RNF215: variants seen among roughly 807,000 people sequenced by gnomAD.
RNF215 encodes ring finger protein 215.
In RNF215, 41 loss-of-function variants were observed where a neutral mutation model predicts 44.8. That is an observed-to-expected ratio of 0.92 (90% confidence interval 0.71 to 1.19). RNF215 has a LOEUF of 1.19. RNF215 is among the 50% of genes most tolerant of loss of function. RNF215 has a pLI of 0.00. For synonymous variants in RNF215, 218 were observed against 230.1 expected, an observed-to-expected ratio of 0.95 and a Z score of 0.48; for missense variants, 452 against 496.2, an observed-to-expected ratio of 0.91 and a Z score of 0.85.
At position 30,380,860 on chromosome 22, in the gene RNF215, C is replaced by T. The variant is rs1933521026; in HGVS notation, c.745-459G>A. ...ATCCAGCCTGAATGTTCGCACCCCC[C>T]TGTACGGGAGGGAGCCAGCCCCCAA... On this transcript the variant is annotated intron_variant, in intron 5 of 8. Coordinates refer to ENST00000382363, the MANE Select transcript of RNF215 (RefSeq NM_001017981.2). This position sits in a 1 kb window ranked among gnomAD's most constrained non-coding sequence, Gnocchi z 5.3. Among the ~76,000 whole-genome samples, 1 of 152,158 alleles carries T rather than the reference C, an allele frequency of 6.6e-6. No homozygotes were observed. Among genetic ancestry groups the T allele is most frequent in the Non-Finnish European group, 1.5e-5 (1 of 68,028 alleles).
chr22:30,380,447 G>A lies in RNF215; in HGVS notation c.745-46C>T, dbSNP rs761060941. 14 of 1,557,204 alleles carry A rather than the reference G, an allele frequency of 9.0e-6. No homozygotes were observed. The highest frequency in any genetic ancestry group is 3.6e-5 in the South Asian group (3 of 82,898). On this transcript the variant is annotated intron_variant, in intron 5 of 8. Coordinates refer to ENST00000382363, the MANE Select transcript of RNF215 (RefSeq NM_001017981.2). The surrounding 1 kb of genome is among the most constrained non-coding windows in gnomAD (Gnocchi z 5.3). Reference sequence around the variant, plus strand: ...CAGGGACATGGGGCCACCCCCACACGCCTCCCTTAGGAACATCTACCCCCA... The same window carrying A: ...CAGGGACATGGGGCCACCCCCACACACCTCCCTTAGGAACATCTACCCCCA...
rs1253714786 is a variant in RNF215 at position 30,380,637 on chromosome 22, T to C, written c.745-236A>G. The stretch of plus-strand genomic sequence containing the variant: ...CCAGCTCCAAGGAGAGCCACATCCA[T>C]TCCCAGCCCAGGGCTCTCTGGGCAA... On this transcript the variant is annotated intron_variant, in intron 5 of 8. Transcript: ENST00000382363. The surrounding 1 kb of genome is among the most constrained non-coding windows in gnomAD (Gnocchi z 5.3). 6.6e-6 allele frequency among the ~76,000 whole-genome samples: 1 copy of C among 152,080 alleles called. No homozygotes were observed. The highest frequency in any genetic ancestry group is 6.5e-5 in the Admixed American group (1 of 15,278).
In RNF215 at chr22:30,378,879, TAAAAAAAA is replaced by T. The variant is rs397769011; in HGVS notation, c.*713_*720del. 9 of 113,166 alleles carry T rather than the reference TAAAAAAAA, an allele frequency of 8.0e-5. No homozygotes were observed. The East Asian group carries it at 2.3e-3, about 29-fold the overall frequency. The allele number at this position is 113,166 out of a possible 1,614,324, so 7.0% of individuals were successfully genotyped here. The stretch of plus-strand genomic sequence containing the variant: ...TTAAACCTTCCCTACTCCAACTCTT[TAAAAAAAA>T]AAAAAAAAAAAAAAAAGGATGCCCC... On this transcript the variant is annotated 3_prime_UTR_variant, in exon 9 of 9. Coordinates refer to ENST00000382363, the MANE Select transcript of RNF215 (RefSeq NM_001017981.2).
chr22:30,380,483 G>A lies in RNF215; in HGVS notation c.745-82C>T, dbSNP rs1429422191. On this transcript the variant is annotated intron_variant, in intron 5 of 8. Coordinates refer to ENST00000382363, the MANE Select transcript of RNF215 (RefSeq NM_001017981.2). The surrounding 1 kb of genome is among the most constrained non-coding windows in gnomAD (Gnocchi z 5.3). ...GAACATCTACCCCCAGGAACGCCAG[G>A]GAGCAGGCAGGTGAGGTATGCTGAC... 4 of 1,500,528 alleles carry A rather than the reference G, an allele frequency of 2.7e-6. No individual in the cohort carries two copies. Among genetic ancestry groups the A allele is most frequent in the Admixed American group, 2.2e-5 (1 of 45,362 alleles). The allele number at this position is 1,500,528 out of a possible 1,614,324, so 93.0% of individuals were successfully genotyped here.
rs1382366532 is a variant in RNF215, at chr22:30,386,679, G to A, written c.366C>T (p.Ala122=). 1.9e-6 allele frequency: 3 copies of A among 1,612,806 alleles called. No homozygotes were observed. The African/African-American group carries it at 4.0e-5, about 22-fold the overall frequency. The change falls in exon 2 of 9, where the codon GCC becomes GCT. Residue 122 remains alanine (A), a synonymous_variant. Transcript: ENST00000382363. ...AVAYVGKEQA[A]QFHQENKGSG... Reference sequence around the variant, plus strand: ...TGCCCTTATTCTCCTGGTGGAACTGGGCCGCCTGCTCCTTGCCCACGTATG... The same window carrying A: ...TGCCCTTATTCTCCTGGTGGAACTGAGCCGCCTGCTCCTTGCCCACGTATG...
rs1240391523 is a variant in RNF215, at chr22:30,380,155, T to A, written c.915A>T (p.Thr305=). ...CTGCCCTGCTCAGCCGGCAGCGCCG[T>A]GTCTTGAGGGATGCCAGTCTCCGCA... The part of the protein sequence containing the change: ...RVVRRLASLK[T]RRCRLSRAAQ... The change falls in exon 7 of 9, where the codon ACA becomes ACT. Residue 305 remains threonine (T), a synonymous_variant. Coordinates refer to ENST00000382363, the MANE Select transcript of RNF215 (RefSeq NM_001017981.2). This position sits in a 1 kb window ranked among gnomAD's most constrained non-coding sequence, Gnocchi z 5.3. 4 of 1,613,222 alleles carry A rather than the reference T, an allele frequency of 2.5e-6. No individual in the cohort carries two copies. Among genetic ancestry groups the A allele is most frequent in the Non-Finnish European group, 3.4e-6 (4 of 1,179,700 alleles).
intron 5 of RNF215, among the ~76,000 whole-genome samples, chr22:30,381,044 T>G (rs1226477289): frequency 2.6e-5 from 4 of 152,220 alleles, no homozygotes; most frequent in African/African-American, 9.6e-5. Context: ...TCTCAGTGTC[T>G]GTGCCTTTCC....
chr22:30,380,030 G>C lies in RNF215; in HGVS notation c.1008+32C>G. 6.2e-7 allele frequency: 1 copy of C among 1,612,144 alleles called. No individual in the cohort carries two copies. The highest frequency in any genetic ancestry group is 8.5e-7 in the Non-Finnish European group (1 of 1,178,570). On this transcript the variant is annotated intron_variant, in intron 7 of 8. Transcript: ENST00000382363. The surrounding 1 kb of genome is among the most constrained non-coding windows in gnomAD (Gnocchi z 5.3). The stretch of plus-strand genomic sequence containing the variant: ...GTAAGGTGGGAGGCATCACAGGTGA[G>C]CTGATGGCTGGTCTCTACCCGGGGC...
In RNF215 at chr22:30,379,552, G is replaced by T; in HGVS notation, c.*48C>A. On this transcript the variant is annotated 3_prime_UTR_variant, in exon 9 of 9. Coordinates refer to ENST00000382363, the MANE Select transcript of RNF215 (RefSeq NM_001017981.2). ...CTGGGAGCCCAGGCTGAGGACCGGG[G>T]TGCAGGCAGGAAGGGTCCATCCCCA... 1 of 1,546,012 alleles carries T rather than the reference G, an allele frequency of 6.5e-7. No individual in the cohort carries two copies. Among genetic ancestry groups the T allele is most frequent in the Non-Finnish European group, 8.7e-7 (1 of 1,146,174 alleles).
chr22:30,381,635 C>T (rs79520224), intron 5 of RNF215, among the ~76,000 whole-genome samples: 3,181 of 152,284 alleles, frequency 0.021, 112 homozygotes, highest in African/African-American at 0.073. Flanking sequence ...CGTGTTCTTC[C>T]CCGACCGATG....
chr22:30,382,462 T>C (rs973741484), intron 5 of RNF215, among the ~76,000 whole-genome samples: 3 of 147,148 alleles, frequency 2.0e-5, no homozygotes, highest in African/African-American at 7.6e-5. Flanking sequence ...TGATGCCAAG[T>C]GTTGGGTATT....
chr22:30,386,598 C>A lies in RNF215; in HGVS notation c.429+18G>T, dbSNP rs1416638722. 1 of 1,606,994 alleles carries A rather than the reference C, an allele frequency of 6.2e-7. No homozygotes were observed. Among genetic ancestry groups the A allele is most frequent in the East Asian group, 2.2e-5 (1 of 44,816 alleles). ...AATCCTTTCCTCCAGCCCCCTCCCC[C>A]ATAGACATCCCCTGCACCTGCTGGA... On this transcript the variant is annotated intron_variant, in intron 2 of 8. Transcript: ENST00000382363.
At chr22:30,383,767 C>T (rs555041818) in intron 5 of RNF215, among the ~76,000 whole-genome samples, 19 of 152,204 alleles carry the variant, frequency 1.2e-4, no homozygotes, top group East Asian at 3.9e-4. Flanking sequence ...AGCCCATGGA[C>T]GGCCTGACCA....
chr22:30,386,981 T>G, intron 1 of RNF215, 48 bp downstream of exon 1: 1 of 1,528,960 alleles, frequency 6.5e-7, no homozygotes, highest in East Asian at 2.5e-5. Context: ...CTAGGGAGGG[T>G]TGAGAGAGGG....
At chr22:30,384,639 A>C in intron 4 of RNF215, 144 bp from the exon 5 acceptor site, 1 of 667,364 alleles carries the variant, frequency 1.5e-6, no homozygotes, top group Non-Finnish European at 2.4e-6. Context: ...TTTTCCCTCT[A>C]TTGGTTTTTC....
intron 4 of RNF215, among the ~76,000 whole-genome samples, chr22:30,385,093 A>G (rs983486622): frequency 4.0e-5 from 6 of 151,224 alleles, no homozygotes; most frequent in Non-Finnish European, 5.9e-5. Flanking sequence ...GATTACAGGC[A>G]TGAGCCACCA....
Position 30,387,065 on chromosome 22 carries a change from G to C in RNF215, c.249C>G (p.Ala83=). The change falls in exon 1 of 9, where the codon GCC becomes GCG. Residue 83 remains alanine, a synonymous_variant. Coordinates refer to ENST00000382363, the MANE Select transcript of RNF215 (RefSeq NM_001017981.2). Reference sequence around the variant, plus strand: ...GACCGCCCAGCAGGGGCGCCGGGTCGGCTTCGGAGCCGATCCTGACGCCCT... The same window carrying C: ...GACCGCCCAGCAGGGGCGCCGGGTCCGCTTCGGAGCCGATCCTGACGCCCT... ...VLEGVRIGSE[A]DPAPLLGGRL... is the part of the protein sequence containing the mutation. 1 of 1,542,956 alleles carries C rather than the reference G, an allele frequency of 6.5e-7. No homozygotes were observed. Among genetic ancestry groups the C allele is most frequent in the South Asian group, 1.2e-5 (1 of 84,450 alleles).
In RNF215 at chr22:30,387,210, C is replaced by T; in HGVS notation, c.104G>A (p.Gly35Asp). The T allele has an allele frequency of 9.8e-7, 1 of 1,016,454 alleles. No homozygotes were observed. The highest frequency in any genetic ancestry group is 1.2e-6 in the Non-Finnish European group (1 of 846,066). The allele number at this position is 1,016,454 out of a possible 1,614,324, so 63.0% of individuals were successfully genotyped here. ...CGCCGCGGCCCCGGGCCCCGCCAGG[C>T]CCAGCCACAGCGGCAGCAGGGGCAG... ...LLLPLLPLWL[G>D]LAGPGAAADG... The change falls in exon 1 of 9, where the codon GGC becomes GAC. Residue 35 changes from glycine to aspartate, a missense_variant. Gly to Asp is a moderately conservative substitution (Grantham distance 94). Coordinates refer to ENST00000382363, the MANE Select transcript of RNF215 (RefSeq NM_001017981.2).
rs1199124002 is a variant in RNF215 at position 30,387,259 on chromosome 22, G to A, written c.55C>T (p.Pro19Ser). ...LRSPPPPPPP[P>S]PSPLLLLLPL... ...AGCAGCAGCAGCAGCGGAGACGGAGGCGGCGGCGGAGGCGGCGGCGGCGAT... is the reference window on the plus strand; with the variant it reads ...AGCAGCAGCAGCAGCGGAGACGGAGACGGCGGCGGAGGCGGCGGCGGCGAT... The change falls in exon 1 of 9, where the codon CCT becomes TCT. Residue 19 changes from proline to serine, a missense_variant. Coordinates refer to ENST00000382363, the MANE Select transcript of RNF215 (RefSeq NM_001017981.2). 9.7e-7 allele frequency: 1 copy of A among 1,034,554 alleles called. No homozygotes were observed. The highest frequency in any genetic ancestry group is 1.2e-6 in the Non-Finnish European group (1 of 857,816). The allele number at this position is 1,034,554 out of a possible 1,614,324, so 64.1% of individuals were successfully genotyped here.
Sources: gnomAD v4.1 joint callset for allele counts (sites outside exome capture counted in the v4.1 genomes callset) on GRCh38, gnomAD v4.1.1 for gene constraint, Gnocchi (gnomAD v3.1) non-coding constraint, MANE v1.5 for transcripts, NCBI Gene and HGNC (gene_info 2026-07-23, HGNC 2026-07-21) for gene names.